GTF2F2: variants seen among roughly 807,000 people sequenced by gnomAD.
GTF2F2 encodes general transcription factor IIF subunit 2.
GTF2F2 carries 23 observed loss-of-function variants against 42.2 expected under a neutral mutation model. The observed-to-expected ratio is 0.55, with a 90% CI of 0.39 to 0.77. The LOEUF (loss-of-function observed/expected upper bound fraction) is 0.77. Among genes scored for constraint, GTF2F2 ranks in the 30% least tolerant of loss-of-function variants. GTF2F2 has a pLI of 0.00. For synonymous variants in GTF2F2, 105 were observed against 100.8 expected, an observed-to-expected ratio of 1.04 and a Z score of -0.25; for missense variants, 261 against 287.2, an observed-to-expected ratio of 0.91 and a Z score of 0.66.
In GTF2F2 at chr13:45,207,425, TA is replaced by T; in HGVS notation, c.308del (p.Lys103SerfsTer7). 1 of 1,589,232 alleles carries T rather than the reference TA, an allele frequency of 6.3e-7. No homozygotes were observed. Among genetic ancestry groups the T allele is most frequent in the Non-Finnish European group, 8.6e-7 (1 of 1,157,586 alleles). On this transcript the variant is annotated frameshift_variant and splice_region_variant, in exon 5 of 8. Transcript: ENST00000340473. LOFTEE classifies it high-confidence loss of function. ...LTVFTESSSDKLSLEGIVVQR... is the reference protein window; with the variant it reads ...LTVFTESSSDXLSLEGIVVQR... The stretch of plus-strand genomic sequence containing the variant: ...AATCCTTTTTTTTTTCCATTCAAGA[TA>T]AGCTGTCATTGGAAGGAATAGTGGT...
intron 5 of GTF2F2, among the ~76,000 whole-genome samples, chr13:45,207,784 C>A (rs888876344): frequency 6.6e-6 from 1 of 152,068 alleles, no homozygotes; most frequent in South Asian, 2.1e-4. Context: ...AATTTTGATT[C>A]TTTAAAGACA....
At chr13:45,170,177 C>T (rs563530136) in intron 4 of GTF2F2, among the ~76,000 whole-genome samples, 1 of 152,150 alleles carries the variant, frequency 6.6e-6, no homozygotes. Context: ...GCATATACCA[C>T]CACACCCAGC....
intron 6 of GTF2F2, 70 bp from the exon 7 acceptor site, chr13:45,267,163 A>AT: frequency 7.7e-7 from 1 of 1,299,074 alleles, no homozygotes; most frequent in Non-Finnish European, 1.1e-6. Flanking sequence ...AAAAAAAAAA[A>AT]GAGAATGCCT....
chr13:45,230,427 A>T (rs1473260977), intron 5 of GTF2F2, among the ~76,000 whole-genome samples: 1 of 152,172 alleles, frequency 6.6e-6, no homozygotes, highest in African/African-American at 2.4e-5. Context: ...GGACAGGATT[A>T]CAAGGACTTT....
intron 7 of GTF2F2, 115 bp from the exon 8 acceptor site, chr13:45,283,327 C>T: frequency 4.4e-6 from 4 of 907,494 alleles, no homozygotes; most frequent in Non-Finnish European, 6.4e-6. Context: ...TCTTGCTGAG[C>T]TTTTAGGATC....
intron 4 of GTF2F2, among the ~76,000 whole-genome samples, chr13:45,184,855 C>A (rs1417237772): frequency 6.6e-6 from 1 of 152,090 alleles, no homozygotes; most frequent in African/African-American, 2.4e-5. Flanking sequence ...CTCTGTTGCC[C>A]AGGCAGGAAG....
chr13:45,164,187 C>T (rs1237900838), intron 4 of GTF2F2, among the ~76,000 whole-genome samples: 3 of 151,364 alleles, frequency 2.0e-5, no homozygotes, highest in South Asian at 2.1e-4. Context: ...GGCTGAGGCA[C>T]GAGAATCACT....
Position 45,165,329 on chromosome 13 carries a change from A to ATT in GTF2F2, c.304+13499_304+13500insTT, listed in dbSNP as rs201519443. Among the ~76,000 whole-genome samples the ATT allele has an allele frequency of 4.2e-3, 551 of 129,680 alleles. 3 individuals carry two copies. The highest frequency in any genetic ancestry group is 5.6e-3 in the African/African-American group (185 of 33,294). The allele number at this position is 129,680 out of a possible 152,430, so 85.1% of individuals were successfully genotyped here. On this transcript the variant is annotated intron_variant, in intron 4 of 7. Transcript: ENST00000340473. ...ATCTAAAATATATATATATATATAT[A>ATT]TATTTTTTTTTTCTTTGAGACAAAG...
At chr13:45,142,185 G>A (rs922172354) in intron 2 of GTF2F2, among the ~76,000 whole-genome samples, 6 of 152,176 alleles carry the variant, frequency 3.9e-5, no homozygotes, top group African/African-American at 1.4e-4. Context: ...TTTTGTTTTT[G>A]AGATGGAGTC....
chr13:45,183,666 A>G (rs1216448322), intron 4 of GTF2F2, among the ~76,000 whole-genome samples: 1 of 152,130 alleles, frequency 6.6e-6, no homozygotes, highest in Admixed American at 6.5e-5. Flanking sequence ...GAATGGATAC[A>G]GGAGAAGTAA....
intron 5 of GTF2F2, among the ~76,000 whole-genome samples, chr13:45,218,738 T>C (rs1214396229): frequency 1.3e-5 from 2 of 152,220 alleles, no homozygotes; most frequent in African/African-American, 4.8e-5. Context: ...GGGAATTGAA[T>C]TGATGGGGTG....
intron 4 of GTF2F2, among the ~76,000 whole-genome samples, chr13:45,170,648 T>G (rs1871548824): frequency 6.6e-6 from 1 of 152,162 alleles, no homozygotes; most frequent in Non-Finnish European, 1.5e-5. Flanking sequence ...GGCTTTGAAG[T>G]AGTTATTCCT....
intron 4 of GTF2F2, among the ~76,000 whole-genome samples, chr13:45,174,896 G>A (rs149551479): frequency 1.1e-3 from 173 of 152,140 alleles, no homozygotes; most frequent in African/African-American, 4.1e-3. Context: ...AATGTATAAG[G>A]AGCAAATCAG....
chr13:45,143,098 GA>G (rs11298005), intron 2 of GTF2F2, among the ~76,000 whole-genome samples: 54,409 of 151,488 alleles, frequency 0.36, 13,522 homozygotes, highest in African/African-American at 0.71. Flanking sequence ...CAGAAAGCTG[GA>G]AAAAAAAATT....
At chr13:45,241,184 A>AATATATATATAT (rs71697631) in intron 5 of GTF2F2, among the ~76,000 whole-genome samples, 12 of 143,882 alleles carry the variant, frequency 8.3e-5, no homozygotes, top group African/African-American at 3.1e-4. Flanking sequence ...ATAAATATAA[A>AATATATATATAT]ATATATATAT....
At chr13:45,159,004 C>T (rs1870904707) in intron 4 of GTF2F2, among the ~76,000 whole-genome samples, 1 of 152,158 alleles carries the variant, frequency 6.6e-6, no homozygotes, top group South Asian at 2.1e-4. Context: ...GAATATTCCT[C>T]ACTTTATTTT....
chr13:45,135,778 A>G (rs1869589737), intron 1 of GTF2F2, among the ~76,000 whole-genome samples: 2 of 152,216 alleles, frequency 1.3e-5, no homozygotes, highest in Non-Finnish European at 2.9e-5. Flanking sequence ...ATTTGTCATG[A>G]AAAAATAATG....
At chr13:45,279,820 A>G (rs1256241795) in intron 7 of GTF2F2, among the ~76,000 whole-genome samples, 1 of 152,138 alleles carries the variant, frequency 6.6e-6, no homozygotes, top group Non-Finnish European at 1.5e-5. Context: ...CAGGCGAATC[A>G]CTTGAACCCA....
chr13:45,222,740 T>C (rs1472256699), intron 5 of GTF2F2, among the ~76,000 whole-genome samples: 3 of 152,244 alleles, frequency 2.0e-5, no homozygotes, highest in African/African-American at 7.2e-5. Flanking sequence ...TAAGACATTT[T>C]TCCTGCCCTT....
Sources: allele counts gnomAD v4.1 joint callset (sites outside exome capture counted in the v4.1 genomes callset), GRCh38; gene constraint gnomAD v4.1.1; transcripts MANE v1.5; gene names NCBI Gene and HGNC (gene_info 2026-07-23, HGNC 2026-07-21).